The following KCNJ3 variants were observed in gnomAD, a reference collection of about 807,000 sequenced individuals.
KCNJ3 encodes the protein potassium inwardly rectifying channel subfamily J member 3.
KCNJ3 carries 4 observed loss-of-function variants against 39.2 expected under a neutral mutation model. The ratio of observed to expected loss-of-function variants is 0.10; its 90% CI spans 0.05 to 0.23. The LOEUF is 0.23. Ranked by LOEUF, KCNJ3 falls within the 10% of genes least tolerant of loss-of-function variation. The pLI, the probability that KCNJ3 is intolerant of heterozygous loss-of-function variation, is 1.00. For missense variants in KCNJ3, 276 were observed against 634.9 expected (o/e 0.43, Z 6.08); for synonymous variants, 230 against 237.4 (o/e 0.97, Z 0.29).
chr2:154,843,063 A>G (rs139065579), intron 2 of KCNJ3, among the ~76,000 whole-genome samples: 2 of 152,130 alleles, frequency 1.3e-5, no homozygotes, highest in Non-Finnish European at 2.9e-5. Flanking sequence ...ATGTTTTTGC[A>G]GTGGCTAGTA....
chr2:154,789,263 C>T (rs1686586854), intron 2 of KCNJ3, among the ~76,000 whole-genome samples: 1 of 151,982 alleles, frequency 6.6e-6, no homozygotes, highest in African/African-American at 2.4e-5. Context: ...GTAAAGAAGA[C>T]AGTGGTCATG....
In KCNJ3 at chr2:154,855,481, A is replaced by G. The variant is rs1428840687; in HGVS notation, c.*168A>G. On this transcript the variant is annotated 3_prime_UTR_variant, in exon 3 of 3. Transcript: ENST00000295101. ...GTATTGCGAATGTGCAGAAAGCAAC[A>G]GTTACGGAGGGAGGACATCATAAGG... is the stretch of plus-strand genomic sequence containing the variant. 5.2e-6 allele frequency: 3 copies of G among 574,562 alleles called. No individual in the cohort carries two copies. The highest frequency in any genetic ancestry group is 6.1e-6 in the Non-Finnish European group (2 of 326,062). 35.6% of individuals were successfully genotyped at this position (574,562 alleles called of 1,614,324 possible).
intron 2 of KCNJ3, among the ~76,000 whole-genome samples, chr2:154,758,359 T>C (rs1213310151): frequency 6.6e-6 from 1 of 152,140 alleles, no homozygotes; most frequent in Non-Finnish European, 1.5e-5. Context: ...CTGTAAGGGA[T>C]TGCTATGAGG....
chr2:154,757,446 T>G (rs568682095), intron 2 of KCNJ3, among the ~76,000 whole-genome samples: 1 of 152,294 alleles, frequency 6.6e-6, no homozygotes, highest in South Asian at 2.1e-4. Flanking sequence ...ACTAAATTAA[T>G]TCTGTGCCCT....
chr2:154,732,855 T>G (rs1016287560), intron 2 of KCNJ3, among the ~76,000 whole-genome samples: 16 of 152,170 alleles, frequency 1.1e-4, no homozygotes, highest in Non-Finnish European at 1.8e-4. Context: ...TACCAGAGAT[T>G]AATCAAGGAT....
At chr2:154,738,760 A>T (rs1273318086) in intron 2 of KCNJ3, among the ~76,000 whole-genome samples, 1 of 152,130 alleles carries the variant, frequency 6.6e-6, no homozygotes, top group Non-Finnish European at 1.5e-5. Flanking sequence ...GCCAAGCTAG[A>T]CTGCTGTAAA....
At chr2:154,851,967 T>A (rs1687763463) in intron 2 of KCNJ3, among the ~76,000 whole-genome samples, 1 of 152,136 alleles carries the variant, frequency 6.6e-6, no homozygotes, top group Non-Finnish European at 1.5e-5. Context: ...CAAAATGAAA[T>A]GGGCTAAGAT....
chr2:154,721,171 C>A (rs1190732335), intron 2 of KCNJ3, among the ~76,000 whole-genome samples: 2 of 151,942 alleles, frequency 1.3e-5, no homozygotes, highest in Non-Finnish European at 2.9e-5. Context: ...GTTTTATAGC[C>A]TGTAGATTGT....
At chr2:154,783,976 G>A (rs754533737) in intron 2 of KCNJ3, among the ~76,000 whole-genome samples, 1 of 152,144 alleles carries the variant, frequency 6.6e-6, no homozygotes, top group African/African-American at 2.4e-5. Context: ...AATGATAGAA[G>A]AGTATGGTAC....
intron 2 of KCNJ3, among the ~76,000 whole-genome samples, chr2:154,817,056 TTAA>T (rs1051704414): frequency 6.6e-6 from 1 of 152,198 alleles, no homozygotes; most frequent in African/African-American, 2.4e-5. Flanking sequence ...GTAAAAATTA[TTAA>T]TGTGAGGAAA....
chr2:154,709,939 A>G, intron 2 of KCNJ3, 120 bp downstream of exon 2: 2 of 1,184,400 alleles, frequency 1.7e-6, no homozygotes, highest in South Asian at 1.6e-5. Flanking sequence ...GAAAGTAATG[A>G]TTTGCCTTTC....
chr2:154,754,119 C>T (rs1171653637), intron 2 of KCNJ3, among the ~76,000 whole-genome samples: 6 of 152,044 alleles, frequency 3.9e-5, no homozygotes, highest in Non-Finnish European at 5.9e-5. Flanking sequence ...CATCTATTCC[C>T]GTTTTGTATC....
At chr2:154,814,889 A>AAAG (rs1687057848) in intron 2 of KCNJ3, among the ~76,000 whole-genome samples, 2 of 152,370 alleles carry the variant, frequency 1.3e-5, no homozygotes, top group East Asian at 1.9e-4. Context: ...TTCTAAGAAT[A>AAAG]AAGTGGTAGA....
chr2:154,847,165 G>A (rs893996031), intron 2 of KCNJ3, among the ~76,000 whole-genome samples: 1 of 152,124 alleles, frequency 6.6e-6, no homozygotes, highest in South Asian at 2.1e-4. Context: ...TATCTCAAAA[G>A]AGCCTATTGC....
intron 2 of KCNJ3, among the ~76,000 whole-genome samples, chr2:154,753,276 A>T (rs1574448409): frequency 6.6e-6 from 1 of 152,162 alleles, no homozygotes; most frequent in African/African-American, 2.4e-5. Context: ...GGATCATAGT[A>T]ATGTTTATTA....
intron 2 of KCNJ3, among the ~76,000 whole-genome samples, chr2:154,760,537 C>T (rs1686018689): frequency 6.6e-6 from 1 of 151,464 alleles, no homozygotes; most frequent in Admixed American, 6.6e-5. Context: ...TGAAGTTTTG[C>T]TTTTCACTTC....
chr2:154,713,304 C>A (rs1685130431), intron 2 of KCNJ3, among the ~76,000 whole-genome samples: 1 of 152,064 alleles, frequency 6.6e-6, no homozygotes. Context: ...CACTCTGATG[C>A]CTCAAAAATG....
intron 2 of KCNJ3, among the ~76,000 whole-genome samples, chr2:154,749,562 C>T (rs2882164): frequency 0.19 from 28,961 of 151,888 alleles, 3,385 homozygotes; most frequent in East Asian, 0.52. Context: ...TGTCAGAGGG[C>T]TGTACTGCAA....
intron 1 of KCNJ3, among the ~76,000 whole-genome samples, chr2:154,707,013 G>T (rs945510872): frequency 1.3e-5 from 2 of 152,094 alleles, no homozygotes; most frequent in Non-Finnish European, 2.9e-5. Context: ...ATATTTGGTG[G>T]CCTAATATAA....
Sources: gnomAD v4.1 joint callset for allele counts (sites outside exome capture counted in the v4.1 genomes callset) on GRCh38, gnomAD v4.1.1 for gene constraint, MANE v1.5 for transcripts, NCBI Gene and HGNC (gene_info 2026-07-23, HGNC 2026-07-21) for gene names.